The following ARHGAP45 variants were observed in gnomAD, a reference collection of about 807,000 sequenced individuals.
ARHGAP45 encodes rho GTPase-activating protein 45.
ARHGAP45 carries 56 observed loss-of-function variants against 116.1 expected under a neutral mutation model. The ratio of observed to expected loss-of-function variants is 0.48; its 90% CI spans 0.39 to 0.60. The LOEUF (loss-of-function observed/expected upper bound fraction) is 0.60. ARHGAP45 is among the 20% of genes least tolerant of loss of function. The pLI, the probability that ARHGAP45 is intolerant of heterozygous loss-of-function variation, is 0.00. For missense variants in ARHGAP45, 1,622 were observed against 1,601.0 expected (o/e 1.01, Z -0.22); for synonymous variants, 866 against 701.7 (o/e 1.23, Z -3.70).
Position 1,080,014 on chromosome 19 carries a change from G to C in ARHGAP45, c.1599G>C (p.Leu533=), listed in dbSNP as rs1421970592. 6.2e-7 allele frequency: 1 copy of C among 1,612,828 alleles called. No individual in the cohort carries two copies. The highest frequency in any genetic ancestry group is 2.2e-5 in the East Asian group (1 of 44,878). Residue 533 remains leucine, a synonymous_variant, in exon 13 of 23, where the codon CTG becomes CTC. Transcript: ENST00000313093. The part of the protein sequence containing the change: ...HFQMLCESSK[L]YDPGQQYASH... ...AGATGCTGTGTGAGAGCAGCAAGCT[G>C]TATGACCCAGGCCAGCAGTACGCCT... is the stretch of plus-strand genomic sequence containing the variant.
chr19:1,082,217 G>A (rs1387583578), intron 19 of ARHGAP45, among the ~76,000 whole-genome samples: 1 of 148,580 alleles, frequency 6.7e-6, no homozygotes, highest in Non-Finnish European at 1.5e-5. Context: ...GCGGGGTGGG[G>A]CTTGGTCAGC....
chr19:1,081,344 GAA>G (rs1270835526), intron 17 of ARHGAP45: 1 of 659,536 alleles, frequency 1.5e-6, no homozygotes, highest in Non-Finnish European at 2.5e-6. Context: ...GCTGTGTCCA[GAA>G]AACCAAGGGG....
At chr19:1,079,622 A>C in intron 11 of ARHGAP45, 81 bp from the exon 12 acceptor site, 1 of 1,522,650 alleles carries the variant, frequency 6.6e-7, no homozygotes, top group Non-Finnish European at 8.9e-7. Flanking sequence ...GACAGGCGTC[A>C]GCCCCGCCTC....
At chr19:1,079,391 C>T (rs2043357550) in intron 11 of ARHGAP45, among the ~76,000 whole-genome samples, 1 of 150,926 alleles carries the variant, frequency 6.6e-6, no homozygotes, top group Non-Finnish European at 1.5e-5. Context: ...CACCTGTAAT[C>T]CGTTACTTGG....
intron 10 of ARHGAP45, among the ~76,000 whole-genome samples, chr19:1,075,405 T>C (rs1328298325): frequency 1.3e-5 from 2 of 151,796 alleles, no homozygotes; most frequent in Non-Finnish European, 2.9e-5. Flanking sequence ...CCACCACACC[T>C]GGCTAATTTT....
In ARHGAP45 at chr19:1,076,751, C is replaced by A. The variant is rs188719839; in HGVS notation, c.1186-1106C>A. 1.3e-4 allele frequency among the ~76,000 whole-genome samples: 20 copies of A among 152,114 alleles called. No homozygotes were observed. In the East Asian group the frequency reaches 3.5e-3, roughly 26 times the overall value. ...ACCTCAGGTAATCTGCCCACCTTGTCCTTCCAAAGTGCTGGAATTATAGGC... is the reference window on the plus strand; with the variant it reads ...ACCTCAGGTAATCTGCCCACCTTGTACTTCCAAAGTGCTGGAATTATAGGC... On this transcript the variant is annotated intron_variant, in intron 10 of 22. Transcript: ENST00000313093.
chr19:1,079,000 G>A (rs2043346553), intron 11 of ARHGAP45, among the ~76,000 whole-genome samples: 1 of 151,794 alleles, frequency 6.6e-6, no homozygotes, highest in South Asian at 2.1e-4. Flanking sequence ...CTAACAGGGT[G>A]AAACCCCGTC....
In ARHGAP45 at chr19:1,079,686, C is replaced by G; in HGVS notation, c.1375-17C>G. On this transcript the variant is annotated splice_polypyrimidine_tract_variant and intron_variant, in intron 11 of 22. Coordinates refer to ENST00000313093, the MANE Select transcript of ARHGAP45 (RefSeq NM_012292.5). Reference sequence around the variant, plus strand: ...CCGGGCTGAGGCCTCTCTCTGTGCGCCCCGCCCCCACCGCAGGCGGAGGAA... The same window carrying G: ...CCGGGCTGAGGCCTCTCTCTGTGCGGCCCGCCCCCACCGCAGGCGGAGGAA... The G allele has an allele frequency of 6.2e-7, 1 of 1,611,978 alleles. No homozygotes were observed. The highest frequency in any genetic ancestry group is 8.5e-7 in the Non-Finnish European group (1 of 1,179,478).
At position 1,083,299 on chromosome 19, in the gene ARHGAP45, C is replaced by T; in HGVS notation, c.2901C>T (p.Ile967=). The T allele has an allele frequency of 3.2e-6, 5 of 1,578,868 alleles. No homozygotes were observed. Among genetic ancestry groups the T allele is most frequent in the East Asian group, 2.3e-5 (1 of 43,200 alleles). ...AGGCCCGCGTCATCGAGACTCTCAT[C>T]GTCCACTACGGCCTGGTCTTCGAGG... ...PHQARVIETL[I]VHYGLVFEEE... The change falls in exon 21 of 23, where the codon ATC becomes ATT. Residue 967 remains isoleucine (I), a synonymous_variant. Coordinates refer to ENST00000313093, the MANE Select transcript of ARHGAP45 (RefSeq NM_012292.5).
chr19:1,075,059 C>G (rs2043218487), intron 10 of ARHGAP45, among the ~76,000 whole-genome samples, 180 bp downstream of exon 10: 2 of 149,156 alleles, frequency 1.3e-5, no homozygotes, highest in Non-Finnish European at 2.9e-5. Flanking sequence ...GTCGGAGATG[C>G]TCCAGCCCCG....
intron 10 of ARHGAP45, chr19:1,077,514 G>C: frequency 9.9e-7 from 1 of 1,006,828 alleles, no homozygotes; most frequent in Non-Finnish European, 1.3e-6. Flanking sequence ...CTCCCGAGTA[G>C]CTGGGATTAC....
intron 18 of ARHGAP45, 41 bp from the exon 19 acceptor site, chr19:1,081,783 G>C (rs761484914): frequency 1.9e-6 from 3 of 1,578,968 alleles, no homozygotes; most frequent in Admixed American, 1.8e-5. Flanking sequence ...GGCGGGAGTG[G>C]GCCGAGGCTG....
At position 1,076,617 on chromosome 19, in the gene ARHGAP45, C is replaced by T. The variant is rs1004444356; in HGVS notation, c.1186-1240C>T. ...GCTCAAGCGATTCTTCTGCCTCAGC[C>T]TCCCAAGTAGCTGGGATTACAGGCG... is the stretch of plus-strand genomic sequence containing the variant. On this transcript the variant is annotated intron_variant, in intron 10 of 22. Transcript: ENST00000313093. Among the ~76,000 whole-genome samples, 10 of 151,442 alleles carry T rather than the reference C, an allele frequency of 6.6e-5. No homozygotes were observed. In the South Asian group the frequency reaches 1.0e-3, roughly 16 times the overall value.
At chr19:1,083,483 C>T (rs910469356) in intron 21 of ARHGAP45, 130 bp downstream of exon 21, 5 of 749,844 alleles carry the variant, frequency 6.7e-6, no homozygotes, top group South Asian at 1.8e-5. Context: ...CAGGGCTGTT[C>T]GGGAGGCCAC....
At position 1,086,191 on chromosome 19, in the gene ARHGAP45, C is replaced by T. The variant is rs559081629; in HGVS notation, c.*185C>T. On this transcript the variant is annotated 3_prime_UTR_variant, in exon 23 of 23. Coordinates refer to ENST00000313093, the MANE Select transcript of ARHGAP45 (RefSeq NM_012292.5). Reference sequence around the variant, plus strand: ...GGCTTCCAGGAGCACGAGGGCCTTGCGGCACAGGACTGTGCCCTGTGCTGT... The same window carrying T: ...GGCTTCCAGGAGCACGAGGGCCTTGTGGCACAGGACTGTGCCCTGTGCTGT... The T allele has an allele frequency of 3.8e-5, 23 of 601,834 alleles. No homozygotes were observed. The highest frequency in any genetic ancestry group is 4.4e-4 in the Middle Eastern group (1 of 2,262). The allele number at this position is 601,834 out of a possible 1,614,324, so 37.3% of individuals were successfully genotyped here.
intron 10 of ARHGAP45, among the ~76,000 whole-genome samples, chr19:1,075,336 C>T (rs1460658305): frequency 1.3e-5 from 2 of 150,824 alleles, no homozygotes; most frequent in African/African-American, 4.9e-5. Context: ...CCTCCATCTC[C>T]CTGGTTCAAA....
In ARHGAP45 at chr19:1,080,802, C is replaced by T. The variant is rs573132810; in HGVS notation, c.2017+16C>T. 10 of 1,612,554 alleles carry T rather than the reference C, an allele frequency of 6.2e-6. No homozygotes were observed. Among genetic ancestry groups the T allele is most frequent in the African/African-American group, 1.3e-5 (1 of 75,036 alleles). On this transcript the variant is annotated intron_variant, in intron 16 of 22. Transcript: ENST00000313093. ...TTTGAGCAGGGTGAGGGTCCCCTGA[C>T]GGGGCTGGAGAGAGAGGGGGGTTTG...
intron 11 of ARHGAP45, among the ~76,000 whole-genome samples, 162 bp downstream of exon 11, chr19:1,078,207 A>G (rs1437212261): frequency 1.4e-4 from 21 of 150,364 alleles, no homozygotes; most frequent in African/African-American, 3.4e-4. Context: ...GCAGTGGCAC[A>G]GTCTCGGCTC....
chr19:1,073,351 G>C, intron 3 of ARHGAP45, 59 bp downstream of exon 3: 1 of 1,599,304 alleles, frequency 6.3e-7, no homozygotes, highest in African/African-American at 1.3e-5. Flanking sequence ...TCCTGGAGGA[G>C]GGGATGTTTG....
Sources: gnomAD v4.1 joint callset for allele counts (sites outside exome capture counted in the v4.1 genomes callset) on GRCh38, gnomAD v4.1.1 for gene constraint, MANE v1.5 for transcripts, NCBI Gene and HGNC (gene_info 2026-07-23, HGNC 2026-07-21) for gene names.